The following NAT1 variants were observed in gnomAD, a reference collection of about 807,000 sequenced individuals.
NAT1 encodes the protein N-acetyltransferase 1, also known as arylamine N-acetyltransferase 1.
For missense variants in NAT1, 400 were observed against 339.2 expected, an observed-to-expected ratio of 1.18 and a Z score of -1.41; for synonymous variants, 144 against 122.6, an observed-to-expected ratio of 1.17 and a Z score of -1.16.
chr8:18,201,220 T>A (rs1803448628), intron 2 of NAT1: 1 of 152,140 alleles, frequency 6.6e-6, no homozygotes, highest in African/African-American at 2.4e-5. Context: ...TAATTATGAG[T>A]AATCATAATT....
At chr8:18,194,723 G>A (rs1803160440) in intron 2 of NAT1, among the ~76,000 whole-genome samples, 1 of 152,100 alleles carries the variant, frequency 6.6e-6, no homozygotes, top group African/African-American at 2.4e-5. Context: ...GGGAGGCTGA[G>A]GCAGGAGAAT....
At chr8:18,174,997 G>T (rs1163646938) in intron 2 of NAT1, among the ~76,000 whole-genome samples, 1 of 151,922 alleles carries the variant, frequency 6.6e-6, no homozygotes, top group Non-Finnish European at 1.5e-5. Context: ...TATTCCTGCT[G>T]CCTGGTTTTA....
chr8:18,187,402 G>A (rs1354151426), intron 2 of NAT1, among the ~76,000 whole-genome samples: 1 of 152,200 alleles, frequency 6.6e-6, no homozygotes, highest in Non-Finnish European at 1.5e-5. Context: ...GCATATGTAT[G>A]TTCATTGCAG....
intron 2 of NAT1, among the ~76,000 whole-genome samples, chr8:18,174,034 G>A (rs1802196847): frequency 6.6e-6 from 1 of 152,134 alleles, no homozygotes; most frequent in African/African-American, 2.4e-5. Context: ...ATGTGTGTGT[G>A]AGTCATCCTC....
intron 2 of NAT1, among the ~76,000 whole-genome samples, chr8:18,219,990 G>A (rs28359530): frequency 0.018 from 2,758 of 152,284 alleles, 49 homozygotes; most frequent in Middle Eastern, 0.085. Flanking sequence ...CTTAAAAGAA[G>A]GAATGATATT....
At chr8:18,184,335 TAGAG>T (rs1466329295) in intron 2 of NAT1, among the ~76,000 whole-genome samples, 1 of 152,076 alleles carries the variant, frequency 6.6e-6, no homozygotes, top group African/African-American at 2.4e-5. Context: ...ACAGCCCTGA[TAGAG>T]AGCAGCCCAC....
intron 2 of NAT1, among the ~76,000 whole-genome samples, chr8:18,188,909 C>T (rs1802855476): frequency 7.0e-6 from 1 of 142,276 alleles, no homozygotes; most frequent in East Asian, 2.2e-4. Flanking sequence ...GCAGGAGAAT[C>T]ACTTGAACCC....
chr8:18,210,281 T>C (rs1803948216), intron 1 of NAT1, 101 bp downstream of exon 1: 1 of 152,162 alleles, frequency 6.6e-6, no homozygotes. Flanking sequence ...ATTTCAAGTA[T>C]AAGGTTGCTC....
At chr8:18,174,390 G>T (rs1363693803) in intron 2 of NAT1, among the ~76,000 whole-genome samples, 3 of 152,032 alleles carry the variant, frequency 2.0e-5, no homozygotes, top group African/African-American at 7.2e-5. Context: ...GTCCCTTCCA[G>T]AAGTCACCTC....
At chr8:18,204,115 C>T (rs1232221375) in intron 2 of NAT1, among the ~76,000 whole-genome samples, 1 of 152,142 alleles carries the variant, frequency 6.6e-6, no homozygotes, top group East Asian at 1.9e-4. Context: ...TCCTGCCTGC[C>T]TATAAAATTG....
intron 2 of NAT1, among the ~76,000 whole-genome samples, chr8:18,184,895 C>A (rs1802671498): frequency 6.6e-6 from 1 of 152,184 alleles, no homozygotes. Context: ...GTGCAAAATT[C>A]TATGACATTT....
chr8:18,203,898 T>A (rs1173160182), intron 2 of NAT1, among the ~76,000 whole-genome samples: 1 of 152,144 alleles, frequency 6.6e-6, no homozygotes, highest in Admixed American at 6.5e-5. Context: ...AAATATGGGC[T>A]AGACACGTTA....
chr8:18,171,276 G>C lies in NAT1; in HGVS notation n.92+537G>C, dbSNP rs563101348. Among the ~76,000 whole-genome samples the C allele has an allele frequency of 5.3e-5, 8 of 152,232 alleles. No individual in the cohort carries two copies. The South Asian group carries it at 1.2e-3, about 24-fold the overall frequency. On this transcript the variant is annotated intron_variant and non_coding_transcript_variant, in intron 2 of 4. Coordinates refer to the NAT1 transcript ENST00000517441. ...TTTGGACAGAATTGTTTACTTGTGA[G>C]GCATATTCAGAAAAAACAGAGATCA...
intron 2 of NAT1, among the ~76,000 whole-genome samples, chr8:18,195,959 T>C (rs1803214348): frequency 6.6e-6 from 1 of 151,930 alleles, no homozygotes; most frequent in Non-Finnish European, 1.5e-5. Flanking sequence ...AGAATTGACA[T>C]ACCACAAAAA....
upstream of NAT1, among the ~76,000 whole-genome samples, chr8:18,206,181 C>T (rs566174696): frequency 9.1e-4 from 138 of 152,302 alleles, no homozygotes; most frequent in Middle Eastern, 3.4e-3. Context: ...AAGTGAGTTG[C>T]TCCATACCAG....
intron 2 of NAT1, among the ~76,000 whole-genome samples, chr8:18,186,932 G>A (rs539475159): frequency 6.6e-6 from 1 of 152,144 alleles, no homozygotes; most frequent in Non-Finnish European, 1.5e-5. Context: ...GAAAGCTGCA[G>A]GGAAGGGGCC....
intron 1 of NAT1, among the ~76,000 whole-genome samples, chr8:18,215,778 T>A (rs916897785): frequency 6.6e-6 from 1 of 152,250 alleles, no homozygotes; most frequent in African/African-American, 2.4e-5. Context: ...TTTCCACCTT[T>A]TATTTGCTGC....
chr8:18,206,089 C>T (rs542754328), upstream of NAT1, among the ~76,000 whole-genome samples: 93 of 152,322 alleles, frequency 6.1e-4, no homozygotes, highest in African/African-American at 2.2e-3. Context: ...CCTATTTCTT[C>T]TCTAAGCAGC....
chr8:18,216,294 T>C (rs1323624106), intron 1 of NAT1, among the ~76,000 whole-genome samples: 1 of 152,182 alleles, frequency 6.6e-6, no homozygotes, highest in East Asian at 1.9e-4. Flanking sequence ...GCTGCCCATT[T>C]TCTATGGGTT....
Sources: allele counts gnomAD v4.1 joint callset (sites outside exome capture counted in the v4.1 genomes callset), GRCh38; gene constraint gnomAD v4.1.1; transcripts MANE v1.5; gene names NCBI Gene and HGNC (gene_info 2026-07-23, HGNC 2026-07-21).